PLCH1: variants seen among roughly 807,000 people sequenced by gnomAD.
The protein encoded by PLCH1 is phospholipase C eta 1.
Under a neutral mutation model 126.7 loss-of-function variants are expected in PLCH1, and 60 were observed. The observed-to-expected ratio is 0.47, with a 90% confidence interval of 0.38 to 0.59. The LOEUF is 0.59. PLCH1 is among the 20% of genes least tolerant of loss of function. The probability of loss-of-function intolerance (pLI) is 0.00; values close to 1 mark genes in which losing one functional copy is unlikely to be tolerated. For synonymous variants in PLCH1, 719 were observed against 734.9 expected, an observed-to-expected ratio of 0.98 and a Z score of 0.35; for missense variants, 1,723 against 2,040.0, an observed-to-expected ratio of 0.84 and a Z score of 2.99.
rs913878204 is a variant in PLCH1 at position 155,549,955 on chromosome 3, A to G, written c.1194T>C (p.Phe398=). 6.8e-6 allele frequency: 11 copies of G among 1,613,058 alleles called. No individual in the cohort carries two copies. Among genetic ancestry groups the G allele is most frequent in the Middle Eastern group, 3.3e-4 (2 of 6,078 alleles). ...GATTCTCGATAGACAATATAACAGG[A>G]AACCTGAGAAAAGAGCAACACAGTC... The part of the protein sequence containing the change: ...INKHAFVKNE[F]PVILSIENHC... The change falls in exon 10 of 23, where the codon TTT becomes TTC. Residue 398 remains phenylalanine (F), a synonymous_variant. Coordinates refer to ENST00000460012, the MANE Select transcript of PLCH1 (RefSeq NM_014996.4).
At chr3:155,642,840 T>G (rs1559885932) in intron 2 of PLCH1, among the ~76,000 whole-genome samples, 1 of 152,228 alleles carries the variant, frequency 6.6e-6, no homozygotes, top group Non-Finnish European at 1.5e-5. Flanking sequence ...TACATTGAAT[T>G]AGACAGTCTA....
At chr3:155,504,785 T>C (rs1718417775) in intron 12 of PLCH1, among the ~76,000 whole-genome samples, 159 bp from the exon 13 acceptor site, 1 of 152,182 alleles carries the variant, frequency 6.6e-6, no homozygotes, top group Admixed American at 6.5e-5. Flanking sequence ...CACACTCCAC[T>C]ACCACAAAGG....
At chr3:155,513,221 C>T (rs1040445045) in intron 12 of PLCH1, among the ~76,000 whole-genome samples, 3 of 152,276 alleles carry the variant, frequency 2.0e-5, no homozygotes, top group African/African-American at 7.2e-5. Context: ...CCTTTGCTTG[C>T]CCAGTGAACC....
intron 2 of PLCH1, among the ~76,000 whole-genome samples, chr3:155,673,186 T>A (rs1203195503): frequency 6.6e-6 from 1 of 150,664 alleles, no homozygotes; most frequent in African/African-American, 2.4e-5. Flanking sequence ...ATCATCCTCA[T>A]CATATTTCAA....
chr3:155,472,037 C>A (rs182340491), intron 21 of PLCH1, among the ~76,000 whole-genome samples: 4 of 152,058 alleles, frequency 2.6e-5, no homozygotes, highest in South Asian at 2.1e-4. Context: ...CAAGAGCAAA[C>A]GCATTCAAAA....
chr3:155,632,193 G>A (rs1452399440), intron 2 of PLCH1, among the ~76,000 whole-genome samples: 1 of 152,106 alleles, frequency 6.6e-6, no homozygotes, highest in Non-Finnish European at 1.5e-5. Context: ...GTGCTTGATG[G>A]CTGAAATATT....
rs150381264 is a variant in PLCH1, at chr3:155,481,809, C to T, written c.4217G>A (p.Arg1406His). ...GTTGAATATTTCAGGGACAGAAGGG[C>T]GGAGGGTCTCTTTACAGTAGCCGTT... is the stretch of plus-strand genomic sequence containing the variant. ...LRNGYCKETLRPSVPEIFNNI... is the reference protein window; with the variant it reads ...LRNGYCKETLHPSVPEIFNNI... Residue 1406 changes from arginine (R) to histidine (H), a missense_variant, in exon 23 of 23, where the codon CGC (arginine) becomes CAC (histidine). Coordinates refer to ENST00000460012, the MANE Select transcript of PLCH1 (RefSeq NM_014996.4). This position sits in a 1 kb window ranked among gnomAD's most constrained non-coding sequence, Gnocchi z 4.2. 6,513 of 1,614,064 alleles carry T rather than the reference C, an allele frequency of 4.0e-3. 22 individuals are homozygous for T. The highest frequency in any genetic ancestry group is 4.9e-3 in the Non-Finnish European group (5,784 of 1,179,968).
intron 2 of PLCH1, among the ~76,000 whole-genome samples, chr3:155,646,759 T>G (rs895532301): frequency 2.0e-5 from 3 of 152,186 alleles, no homozygotes; most frequent in Non-Finnish European, 2.9e-5. Context: ...ACGAGTCAGC[T>G]TATTTCCCAC....
intron 6 of PLCH1, among the ~76,000 whole-genome samples, chr3:155,574,947 G>A (rs900159975): frequency 1.1e-4 from 16 of 151,720 alleles, no homozygotes; most frequent in Admixed American, 2.6e-4. Context: ...CCTTGCCAAC[G>A]TGGTGAAACC....
chr3:155,681,542 G>A (rs145694114), intron 2 of PLCH1, among the ~76,000 whole-genome samples: 101 of 152,226 alleles, frequency 6.6e-4, no homozygotes, highest in Admixed American at 1.2e-3. Context: ...AAGGTAATAC[G>A]GAGATCTTGA....
rs79537780 is a variant in PLCH1 at position 155,585,723 on chromosome 3, A to C, written c.600+342T>G. 8.3e-3 allele frequency among the ~76,000 whole-genome samples: 1,257 copies of C among 152,290 alleles called. 16 individuals carry two copies. Among genetic ancestry groups the C allele is most frequent in the African/African-American group, 0.029 (1,200 of 41,552 alleles). ...TTTTAGACAAGGGCTATTTTTTGTC[A>C]TGTTACTTAGTCTTTATTCTGATCC... On this transcript the variant is annotated intron_variant, in intron 5 of 22. Coordinates refer to ENST00000460012, the MANE Select transcript of PLCH1 (RefSeq NM_014996.4).
chr3:155,519,565 C>G (rs1720798103), intron 11 of PLCH1, among the ~76,000 whole-genome samples: 1 of 151,892 alleles, frequency 6.6e-6, no homozygotes, highest in Non-Finnish European at 1.5e-5. Flanking sequence ...TTGAAAGGAA[C>G]CTTCCAAACA....
chr3:155,600,646 A>G (rs1733601591), intron 2 of PLCH1, among the ~76,000 whole-genome samples: 1 of 151,994 alleles, frequency 6.6e-6, no homozygotes, highest in Non-Finnish European at 1.5e-5. Context: ...ATGCAGCAAC[A>G]TCTACCAGCC....
intron 2 of PLCH1, among the ~76,000 whole-genome samples, chr3:155,674,182 A>C (rs1743849355): frequency 6.6e-6 from 1 of 152,196 alleles, no homozygotes; most frequent in Non-Finnish European, 1.5e-5. Context: ...ACGTCTTCTC[A>C]GTGTTGTTCA....
Position 155,611,065 on chromosome 3 carries a change from T to C in PLCH1, c.80-14687A>G, listed in dbSNP as rs183127929. On this transcript the variant is annotated intron_variant, in intron 2 of 22. Coordinates refer to ENST00000460012, the MANE Select transcript of PLCH1 (RefSeq NM_014996.4). ...CACCAAAAGCATGCAGAAGTAGCTA[T>C]TCTTATATCAGACAAAACAAACTTT... Among the ~76,000 whole-genome samples the C allele has an allele frequency of 2.2e-3, 333 of 152,294 alleles. 2 individuals are homozygous for C. The highest frequency in any genetic ancestry group is 0.014 in the South Asian group (69 of 4,824).
chr3:155,500,279 G>C (rs1243836340), intron 14 of PLCH1, among the ~76,000 whole-genome samples: 2 of 152,202 alleles, frequency 1.3e-5, no homozygotes, highest in African/African-American at 4.8e-5. Flanking sequence ...ATGACTCTAA[G>C]AGACAGATAC....
At chr3:155,600,230 G>A (rs1733537999) in intron 2 of PLCH1, among the ~76,000 whole-genome samples, 1 of 152,046 alleles carries the variant, frequency 6.6e-6, no homozygotes, top group Non-Finnish European at 1.5e-5. Context: ...ATTCCAGTGG[G>A]CAAAAGTCAC....
chr3:155,731,620 T>C (rs1477630545), intron 1 of PLCH1, among the ~76,000 whole-genome samples: 1 of 152,110 alleles, frequency 6.6e-6, no homozygotes, highest in Non-Finnish European at 1.5e-5. Flanking sequence ...AAAGTCAGTC[T>C]ACAAAGACTG....
intron 20 of PLCH1, 83 bp downstream of exon 20, chr3:155,488,577 T>A (rs944727409): frequency 1.8e-6 from 2 of 1,134,674 alleles, no homozygotes; most frequent in African/African-American, 3.1e-5. Context: ...CGTATGCTAT[T>A]ATGTAAGTAA....
Sources: allele counts gnomAD v4.1 joint callset (sites outside exome capture counted in the v4.1 genomes callset), GRCh38; gene constraint gnomAD v4.1.1; non-coding constraint Gnocchi (gnomAD v3.1); transcripts MANE v1.5; gene names NCBI Gene and HGNC (gene_info 2026-07-23, HGNC 2026-07-21).